DUS2: variants seen among roughly 807,000 people sequenced by gnomAD.
DUS2 encodes tRNA-dihydrouridine(20) synthase [NAD(P)+]-like.
DUS2 carries 52 observed loss-of-function variants against 71.3 expected under a neutral mutation model. The ratio of observed to expected loss-of-function variants is 0.73; its 90% CI spans 0.58 to 0.92. The LOEUF (loss-of-function observed/expected upper bound fraction) is 0.92. Ranked by LOEUF, DUS2 falls within the 40% of genes least tolerant of loss-of-function variation. The pLI, the probability that DUS2 is intolerant of heterozygous loss-of-function variation, is 0.00. For missense variants in DUS2, 558 were observed against 622.6 expected (o/e 0.90, Z 1.10); for synonymous variants, 204 against 227.8 (o/e 0.90, Z 0.94).
At chr16:68,059,206 C>T (rs1053375504) in intron 7 of DUS2, among the ~76,000 whole-genome samples, 1 of 151,724 alleles carries the variant, frequency 6.6e-6, no homozygotes, top group African/African-American at 2.4e-5. Context: ...GAGTGAGACC[C>T]TATATGAGAA....
intron 7 of DUS2, among the ~76,000 whole-genome samples, chr16:68,057,867 C>T (rs1057322340): frequency 1.8e-5 from 2 of 110,068 alleles, no homozygotes; most frequent in South Asian, 3.0e-4. Context: ...GTGACAAGAG[C>T]GAAAATCTGT....
chr16:68,078,702 A>T, intron 16 of DUS2, 47 bp from the exon 17 acceptor site: 1 of 1,560,596 alleles, frequency 6.4e-7, no homozygotes, highest in East Asian at 2.3e-5. Context: ...GTCAGGCCTC[A>T]TAGCCCTGCA....
intron 8 of DUS2, among the ~76,000 whole-genome samples, chr16:68,062,445 C>T (rs1416724078): frequency 6.6e-5 from 10 of 151,886 alleles, no homozygotes; most frequent in Middle Eastern, 3.2e-3. Flanking sequence ...GTAGGCCGGG[C>T]GTGGTGGCTC....
chr16:68,047,434 T>C lies in DUS2; in HGVS notation c.127-2071T>C, dbSNP rs7194074. Among the ~76,000 whole-genome samples, 594 of 152,274 alleles carry C rather than the reference T, an allele frequency of 3.9e-3. 6 individuals are homozygous for C. Among genetic ancestry groups the C allele is most frequent in the African/African-American group, 0.014 (581 of 41,552 alleles). On this transcript the variant is annotated intron_variant, in intron 3 of 16. Coordinates refer to ENST00000565263, the MANE Select transcript of DUS2 (RefSeq NM_017803.5). The stretch of plus-strand genomic sequence containing the variant: ...CTAGCTAAAAGTTTGTCAATTTTGT[T>C]AATATTTTCAAATAACAAAGTTTTT...
chr16:68,047,790 T>G (rs1300597550), intron 3 of DUS2, among the ~76,000 whole-genome samples: 1 of 151,608 alleles, frequency 6.6e-6, no homozygotes, highest in African/African-American at 2.4e-5. Context: ...CGTGTTTTTT[T>G]TTTTTTTTTG....
chr16:68,074,008 A>G, intron 12 of DUS2, 26 bp from the exon 13 acceptor site: 1 of 1,613,460 alleles, frequency 6.2e-7, no homozygotes, highest in Non-Finnish European at 8.5e-7. Flanking sequence ...CTGCCTGGGC[A>G]TCAGGCAAGT....
chr16:68,035,925 TATATAC>T (rs1283965029), intron 2 of DUS2, among the ~76,000 whole-genome samples: 27 of 114,914 alleles, frequency 2.3e-4, no homozygotes, highest in African/African-American at 9.6e-4. Flanking sequence ...TATATATATA[TATATAC>T]ACACATACAT....
intron 11 of DUS2, among the ~76,000 whole-genome samples, chr16:68,070,539 G>T (rs1272090507): frequency 6.6e-6 from 1 of 152,190 alleles, no homozygotes; most frequent in Non-Finnish European, 1.5e-5. Context: ...CATCACTAGG[G>T]TGTCTGTTCC....
intron 12 of DUS2, among the ~76,000 whole-genome samples, 177 bp downstream of exon 12, chr16:68,071,285 A>G (rs1385775622): frequency 6.6e-6 from 1 of 152,226 alleles, no homozygotes; most frequent in Non-Finnish European, 1.5e-5. Context: ...CCCAGCTGCA[A>G]TGCTAAGAGA....
At chr16:68,077,038 C>T (rs889600356) in intron 15 of DUS2, among the ~76,000 whole-genome samples, 10 of 151,846 alleles carry the variant, frequency 6.6e-5, no homozygotes, top group Admixed American at 1.3e-4. Context: ...AGGTGGAACA[C>T]GAGGTCAGGA....
chr16:68,075,623 G>A (rs2034146528), intron 14 of DUS2, 119 bp downstream of exon 14: 2 of 1,088,142 alleles, frequency 1.8e-6, no homozygotes, highest in Non-Finnish European at 1.2e-6. Context: ...AGGTCTTGTT[G>A]GTTTGGAAAC....
chr16:68,040,482 G>A (rs1327463969), intron 3 of DUS2, among the ~76,000 whole-genome samples: 2 of 152,174 alleles, frequency 1.3e-5, no homozygotes, highest in Non-Finnish European at 2.9e-5. Context: ...GGTTTTCCTA[G>A]TAAATGTGCC....
intron 8 of DUS2, 77 bp downstream of exon 8, chr16:68,061,190 C>A: frequency 7.0e-7 from 1 of 1,438,250 alleles, no homozygotes; most frequent in Non-Finnish European, 9.8e-7. Flanking sequence ...CCTCCTTCCA[C>A]CAATACCAGA....
chr16:68,053,680 C>T (rs1335524639), intron 5 of DUS2, 25 bp downstream of exon 5: 2 of 1,611,592 alleles, frequency 1.2e-6, no homozygotes, highest in African/African-American at 1.3e-5. Flanking sequence ...TGCTGCATGC[C>T]CTCCTGAGGC....
intron 3 of DUS2, among the ~76,000 whole-genome samples, chr16:68,042,623 C>G (rs1489075401): frequency 6.6e-6 from 1 of 152,184 alleles, no homozygotes; most frequent in Non-Finnish European, 1.5e-5. Flanking sequence ...GATCCTCCTA[C>G]TTCAGCCTCC....
intron 1 of DUS2, chr16:68,023,645 GA>G: frequency 5.5e-6 from 1 of 181,784 alleles, no homozygotes; most frequent in Non-Finnish European, 1.3e-5. Flanking sequence ...TTGAGAGTTT[GA>G]ATGAATGATC....
Position 68,053,603 on chromosome 16 carries a change from G to A in DUS2, c.212G>A (p.Arg71Gln), listed in dbSNP as rs753234215. 15 of 1,614,044 alleles carry A rather than the reference G, an allele frequency of 9.3e-6. No homozygotes were observed. The highest frequency in any genetic ancestry group is 3.3e-5 in the South Asian group (3 of 91,092). ...STVDFVAPDD[R>Q]VVFRTCEREQ... ...GTGGACTTTGTCGCCCCTGATGATC[G>A]AGTTGTCTTCCGCACCTGTGAAAGA... The change falls in exon 5 of 17, where the codon CGA becomes CAA. Residue 71 changes from arginine to glutamine, a missense_variant. By Grantham distance (43) the Arg-to-Gln change is conservative. Transcript: ENST00000565263.
At chr16:68,038,257 T>C in intron 3 of DUS2, 108 bp downstream of exon 3, 2 of 1,469,996 alleles carry the variant, frequency 1.4e-6, no homozygotes, top group Non-Finnish European at 1.8e-6. Flanking sequence ...GAATTGACTT[T>C]ATAGGTGTTC....
chr16:68,077,520 G>A (rs888096873), intron 15 of DUS2: 3 of 152,106 alleles, frequency 2.0e-5, no homozygotes, highest in African/African-American at 7.2e-5. Context: ...CTGAGTAGCT[G>A]GGATTACAGG....
Sources: allele counts gnomAD v4.1 joint callset (sites outside exome capture counted in the v4.1 genomes callset), GRCh38; gene constraint gnomAD v4.1.1; transcripts MANE v1.5; gene names NCBI Gene and HGNC (gene_info 2026-07-23, HGNC 2026-07-21).